The following PCDHGA11 variants were observed in gnomAD, a reference collection of about 807,000 sequenced individuals.
PCDHGA11 encodes protocadherin gamma-A11.
A neutral mutation model predicts 60.4 loss-of-function variants in PCDHGA11; 39 were observed. The ratio of observed to expected loss-of-function variants is 0.65; its 90% confidence interval spans 0.50 to 0.84. The LOEUF (loss-of-function observed/expected upper bound fraction) is 0.84. Among genes scored for constraint, PCDHGA11 ranks in the 40% least tolerant of loss-of-function variants. The pLI, the probability that PCDHGA11 is intolerant of heterozygous loss-of-function variation, is 0.00. For missense variants in PCDHGA11, 1,165 were observed against 1,197.7 expected, an observed-to-expected ratio of 0.97 and a Z score of 0.40; for synonymous variants, 533 against 510.3, an observed-to-expected ratio of 1.04 and a Z score of -0.60.
At position 141,422,206 on chromosome 5, in the gene PCDHGA11, G is replaced by A. The variant is rs1269700250; in HGVS notation, c.979G>A (p.Gly327Ser). 1 of 1,562,324 alleles carries A rather than the reference G, an allele frequency of 6.4e-7. No individual in the cohort carries two copies. The highest frequency in any genetic ancestry group is 8.6e-7 in the Non-Finnish European group (1 of 1,159,250). Residue 327 changes from glycine (G) to serine (S), a missense_variant, in exon 1 of 4, where the codon GGT (glycine) becomes AGT (serine). Physicochemically the swap from Gly to Ser is moderately conservative, Grantham distance 56. Coordinates refer to ENST00000398587, the MANE Select transcript of PCDHGA11 (RefSeq NM_018914.3). ...GGAAATTCAAGGCCAAGATGGTGGA[G>A]GTCTCTTTACCACCACGACGATGTT... ...EMEIQGQDGG[G>S]LFTTTTMLIT...
chr5:141,434,838 A>G (rs1363952147), intron 1 of PCDHGA11, among the ~76,000 whole-genome samples: 1 of 152,022 alleles, frequency 6.6e-6, no homozygotes, highest in Non-Finnish European at 1.5e-5. Context: ...GGCATTTATA[A>G]AGCAGACATC....
chr5:141,449,782 T>C (rs2098655261), intron 1 of PCDHGA11, among the ~76,000 whole-genome samples: 1 of 151,720 alleles, frequency 6.6e-6, no homozygotes, highest in South Asian at 2.1e-4. Flanking sequence ...GAAATTATGT[T>C]TCTTTATTCC....
In PCDHGA11 at chr5:141,448,129, C is replaced by A. The variant is rs116387986; in HGVS notation, c.2433+24469C>A. On this transcript the variant is annotated intron_variant, in intron 1 of 3. Coordinates refer to ENST00000398587, the MANE Select transcript of PCDHGA11 (RefSeq NM_018914.3). Reference sequence around the variant, plus strand: ...AGAAAAGAAAATTAGCCTCCCCCACCCTCACTATACCTCAGACTCACCCCT... The same window carrying A: ...AGAAAAGAAAATTAGCCTCCCCCACACTCACTATACCTCAGACTCACCCCT... 4.4e-3 allele frequency among the ~76,000 whole-genome samples: 671 copies of A among 152,002 alleles called. 4 individuals carry two copies. Among genetic ancestry groups the A allele is most frequent in the African/African-American group, 0.015 (612 of 41,466 alleles).
intron 1 of PCDHGA11, among the ~76,000 whole-genome samples, chr5:141,479,909 A>G (rs2099509651): frequency 6.6e-6 from 1 of 152,160 alleles, no homozygotes; most frequent in South Asian, 2.1e-4. Context: ...AAACACTGTT[A>G]TTTTGTTACT....
intron 1 of PCDHGA11, among the ~76,000 whole-genome samples, chr5:141,452,745 G>A (rs1246578948): frequency 6.6e-6 from 1 of 152,054 alleles, no homozygotes; most frequent in African/African-American, 2.4e-5. Flanking sequence ...AGAGAGAGAA[G>A]GAAGAAGGAA....
In PCDHGA11 at chr5:141,421,624, A is replaced by G; in HGVS notation, c.397A>G (p.Ser133Gly). Residue 133 changes from serine (S) to glycine (G), a missense_variant, in exon 1 of 4, where the codon AGC becomes GGC. Physicochemically the swap from Ser to Gly is moderately conservative, Grantham distance 56. Transcript: ENST00000398587. ...AATAGATATTAATGATAACGCCCCC[A>G]GCTTCCAGGAGGACGAAGTGGAGAT... ...EIIDINDNAP[S>G]FQEDEVEIKV... 2.5e-6 allele frequency: 4 copies of G among 1,613,872 alleles called. No homozygotes were observed. The South Asian group carries it at 3.3e-5, about 13-fold the overall frequency.
intron 1 of PCDHGA11, chr5:141,426,908 G>C (rs1047101179): frequency 8.8e-6 from 4 of 456,612 alleles, no homozygotes; most frequent in African/African-American, 6.0e-5. Context: ...CTCATCTCCT[G>C]GTCCTGGAAG....
At chr5:141,471,046 CTT>C (rs1170588345) in intron 1 of PCDHGA11, among the ~76,000 whole-genome samples, 2,578 of 113,210 alleles carry the variant, frequency 0.023, 53 homozygotes, top group East Asian at 0.11. Context: ...CCCAAGCCCT[CTT>C]TTTTTTTTTT....
In PCDHGA11 at chr5:141,485,935, C is replaced by T. The variant is rs2099621642; in HGVS notation, c.2434-8872C>T. The T allele has an allele frequency of 6.2e-7, 1 of 1,614,026 alleles. No homozygotes were observed. Among genetic ancestry groups the T allele is most frequent in the Non-Finnish European group, 8.5e-7 (1 of 1,180,038 alleles). On this transcript the variant is annotated intron_variant, in intron 1 of 3. Coordinates refer to ENST00000398587, the MANE Select transcript of PCDHGA11 (RefSeq NM_018914.3). The surrounding 1 kb of genome is among the most constrained non-coding windows in gnomAD (Gnocchi z 5.7). Reference sequence around the variant, plus strand: ...GCTACAGGATTAGTGTGTTGGAGAGCGCACCAGCGGGCATGGTGCTCATCC... The same window carrying T: ...GCTACAGGATTAGTGTGTTGGAGAGTGCACCAGCGGGCATGGTGCTCATCC...
chr5:141,470,915 C>A (rs2099244061), intron 1 of PCDHGA11, among the ~76,000 whole-genome samples: 1 of 152,010 alleles, frequency 6.6e-6, no homozygotes, highest in Non-Finnish European at 1.5e-5. Flanking sequence ...GGGACTGTCC[C>A]TATGTTGCTC....
At position 141,465,659 on chromosome 5, in the gene PCDHGA11, T is replaced by C. The variant is rs184749770; in HGVS notation, c.2434-29148T>C. Among the ~76,000 whole-genome samples the C allele has an allele frequency of 3.5e-4, 53 of 152,318 alleles. 1 individual carries two copies. Among genetic ancestry groups the C allele is most frequent in the African/African-American group, 1.2e-3 (50 of 41,576 alleles). ...TGCTTTGAACATCCCAAAAAAGCGC[T>C]TGCCATGACATTTGCTCTTGACCAG... On this transcript the variant is annotated intron_variant, in intron 1 of 3. Transcript: ENST00000398587.
chr5:141,492,934 G>A (rs1382515835), intron 1 of PCDHGA11, among the ~76,000 whole-genome samples: 7 of 152,236 alleles, frequency 4.6e-5, no homozygotes, highest in Admixed American at 4.6e-4. Flanking sequence ...TAGGGTCAGA[G>A]ATTTGGAGGT....
rs768990626 is a variant in PCDHGA11, at chr5:141,427,590, C to T, written c.2433+3930C>T. On this transcript the variant is annotated intron_variant, in intron 1 of 3. Coordinates refer to ENST00000398587, the MANE Select transcript of PCDHGA11 (RefSeq NM_018914.3). ...GCCTCCGCTCTCATCCAGCACAAGCCTCACCCTACGCATTGGTGAAGTCAA... is the reference window on the plus strand; with the variant it reads ...GCCTCCGCTCTCATCCAGCACAAGCTTCACCCTACGCATTGGTGAAGTCAA... 44 of 678,892 alleles carry T rather than the reference C, an allele frequency of 6.5e-5. No individual in the cohort carries two copies. In the Admixed American group the frequency reaches 8.5e-4, roughly 13 times the overall value. The allele number at this position is 678,892 out of a possible 1,614,324, so 42.1% of individuals were successfully genotyped here.
chr5:141,438,714 G>A (rs1051491309), intron 1 of PCDHGA11, among the ~76,000 whole-genome samples: 1 of 147,786 alleles, frequency 6.8e-6, no homozygotes, highest in South Asian at 2.2e-4. Flanking sequence ...AGGCTGGAGT[G>A]CAAGTGGTGT....
intron 1 of PCDHGA11, among the ~76,000 whole-genome samples, chr5:141,457,124 ACT>A (rs1304231701): frequency 6.6e-6 from 1 of 152,158 alleles, no homozygotes; most frequent in Non-Finnish European, 1.5e-5. Context: ...AGCAATGGAA[ACT>A]CTGTCCAATA....
At chr5:141,468,415 G>A (rs1040067190) in intron 1 of PCDHGA11, 5 of 151,704 alleles carry the variant, frequency 3.3e-5, no homozygotes, top group Non-Finnish European at 7.4e-5. Context: ...TAATAAGTTA[G>A]ATAGCAAGGT....
In PCDHGA11 at chr5:141,510,992, T is replaced by C. The variant is rs879030278; in HGVS notation, c.2627T>C (p.Met876Thr). The change falls in exon 4 of 4, where the codon ATG (methionine) becomes ACG (threonine). Residue 876 changes from methionine to threonine, a missense_variant. By Grantham distance (81) the Met-to-Thr change is moderately conservative. Coordinates refer to ENST00000398587, the MANE Select transcript of PCDHGA11 (RefSeq NM_018914.3). ...SSTLGGGAGT[M>T]GLSARYGPQF... is the part of the protein sequence containing the mutation. ...ACCCTGGGAGGGGGTGCCGGCACCA[T>C]GGGATTGAGCGCCCGCTACGGACCC... The C allele has an allele frequency of 1.9e-6, 3 of 1,614,164 alleles. No individual in the cohort carries two copies. The highest frequency in any genetic ancestry group is 2.5e-6 in the Non-Finnish European group (3 of 1,180,006).
intron 1 of PCDHGA11, among the ~76,000 whole-genome samples, chr5:141,444,359 C>T (rs942218966): frequency 7.9e-5 from 12 of 151,582 alleles, no homozygotes; most frequent in East Asian, 7.7e-4. Context: ...TTAGTAGAGA[C>T]GGGGTTTCTC....
intron 1 of PCDHGA11, among the ~76,000 whole-genome samples, chr5:141,468,946 C>T (rs1437282358): frequency 7.0e-6 from 1 of 141,900 alleles, no homozygotes; most frequent in East Asian, 2.0e-4. Context: ...ATGGGGTAAA[C>T]CTGTGGTTTT....
Sources: allele counts gnomAD v4.1 joint callset (sites outside exome capture counted in the v4.1 genomes callset), GRCh38; gene constraint gnomAD v4.1.1; non-coding constraint Gnocchi (gnomAD v3.1); transcripts MANE v1.5; gene names NCBI Gene and HGNC (gene_info 2026-07-23, HGNC 2026-07-21).